Variants in PDE11A observed in about 807,000 individuals in gnomAD.
PDE11A encodes the protein dual 3',5'-cyclic-AMP and -GMP phosphodiesterase 11A.
Under a neutral mutation model 100.5 loss-of-function variants are expected in PDE11A, and 100 were observed. That is an observed-to-expected ratio of 1.00 (90% CI 0.85 to 1.18). The LOEUF (loss-of-function observed/expected upper bound fraction) is 1.18. PDE11A is among the 50% of genes most tolerant of loss of function. The pLI is 0.00. For synonymous variants in PDE11A, 381 were observed against 420.8 expected (o/e 0.91, Z 1.16); for missense variants, 1,141 against 1,152.6 (o/e 0.99, Z 0.15).
At chr2:178,089,891 C>A (rs1176931203) in intron 2 of PDE11A, among the ~76,000 whole-genome samples, 2 of 152,238 alleles carry the variant, frequency 1.3e-5, no homozygotes, top group South Asian at 4.1e-4. Flanking sequence ...AAACCTAGGC[C>A]CTTTCCCCTC....
At chr2:177,891,783 A>G (rs897838661) in intron 4 of PDE11A, among the ~76,000 whole-genome samples, 1 of 152,184 alleles carries the variant, frequency 6.6e-6, no homozygotes, top group Non-Finnish European at 1.5e-5. Context: ...TGTATTGTCT[A>G]TGACTGCTTT....
chr2:177,642,450 C>T (rs1389407581), intron 19 of PDE11A, among the ~76,000 whole-genome samples: 1 of 152,190 alleles, frequency 6.6e-6, no homozygotes, highest in East Asian at 1.9e-4. Flanking sequence ...TCTTCTCAGA[C>T]TAGAAAACAA....
At chr2:177,827,294 T>C (rs1204393211) in intron 6 of PDE11A, among the ~76,000 whole-genome samples, 1 of 152,228 alleles carries the variant, frequency 6.6e-6, no homozygotes, top group Non-Finnish European at 1.5e-5. Flanking sequence ...TAGTGTTAAT[T>C]GTGTAACTCT....
At chr2:178,106,853 A>C (rs2087623736) in intron 1 of PDE11A, among the ~76,000 whole-genome samples, 1 of 150,354 alleles carries the variant, frequency 6.7e-6, no homozygotes, top group Non-Finnish European at 1.5e-5. Flanking sequence ...CCACCTACTC[A>C]GGAGGCTGAG....
chr2:177,846,493 T>C (rs1415088541), intron 5 of PDE11A, among the ~76,000 whole-genome samples: 2 of 152,194 alleles, frequency 1.3e-5, no homozygotes, highest in Non-Finnish European at 2.9e-5. Flanking sequence ...ATCTAACTTT[T>C]AGGGTAAGCT....
At chr2:177,635,989 T>C (rs2080033093) in intron 19 of PDE11A, among the ~76,000 whole-genome samples, 1 of 152,042 alleles carries the variant, frequency 6.6e-6, no homozygotes, top group South Asian at 2.1e-4. Context: ...TCCCTGTACA[T>C]AGCCTCTCCA....
chr2:178,010,784 T>C (rs1439120512), intron 2 of PDE11A, among the ~76,000 whole-genome samples: 2 of 152,286 alleles, frequency 1.3e-5, no homozygotes, highest in East Asian at 3.9e-4. Flanking sequence ...ATGTAAGAAA[T>C]AACTGGGTTA....
At chr2:177,659,318 C>G (rs2080440892) in intron 19 of PDE11A, among the ~76,000 whole-genome samples, 1 of 149,072 alleles carries the variant, frequency 6.7e-6, no homozygotes, top group Non-Finnish European at 1.5e-5. Context: ...TCAAAGTTTA[C>G]TGTAAATCTT....
At chr2:177,749,099 G>T (rs1245932761) in intron 10 of PDE11A, among the ~76,000 whole-genome samples, 1 of 152,206 alleles carries the variant, frequency 6.6e-6, no homozygotes, top group African/African-American at 2.4e-5. Context: ...GTGTGCTATT[G>T]CAAGGATGGA....
chr2:177,948,124 C>A (rs569284436), intron 2 of PDE11A, among the ~76,000 whole-genome samples: 12 of 151,674 alleles, frequency 7.9e-5, no homozygotes, highest in Middle Eastern at 3.4e-3. Flanking sequence ...ACATGAAAAT[C>A]CTTTTGTGTT....
intron 13 of PDE11A, among the ~76,000 whole-genome samples, chr2:177,709,385 G>C (rs2081325469): frequency 6.6e-6 from 1 of 152,170 alleles, no homozygotes; most frequent in African/African-American, 2.4e-5. Flanking sequence ...GGAGGCACTG[G>C]CTTTGAGGGG....
intron 10 of PDE11A, among the ~76,000 whole-genome samples, chr2:177,730,657 CTTT>C (rs559943688): frequency 2.0e-5 from 3 of 151,786 alleles, no homozygotes; most frequent in Non-Finnish European, 4.4e-5. Flanking sequence ...CTGGATATTC[CTTT>C]TTATGTATTT....
intron 5 of PDE11A, among the ~76,000 whole-genome samples, chr2:177,853,680 A>ATATATGTGTG (rs2083766252): frequency 2.7e-5 from 1 of 36,532 alleles, no homozygotes; most frequent in Admixed American, 4.6e-4. Context: ...ATATATATAT[A>ATATATGTGTG]TGTGTGTGTG....
intron 1 of PDE11A, among the ~76,000 whole-genome samples, chr2:178,105,332 C>T (rs988623707): frequency 1.4e-4 from 21 of 151,980 alleles, no homozygotes; most frequent in Admixed American, 4.6e-4. Flanking sequence ...TGGTGGCGGA[C>T]GCCTGTAATC....
chr2:177,637,972 T>C (rs2080071191), intron 19 of PDE11A, among the ~76,000 whole-genome samples: 1 of 131,302 alleles, frequency 7.6e-6, no homozygotes, highest in Non-Finnish European at 1.6e-5. Flanking sequence ...CGTATATATA[T>C]ACACGTGTAT....
intron 5 of PDE11A, among the ~76,000 whole-genome samples, chr2:177,845,636 G>A (rs76857660): frequency 0.066 from 10,075 of 152,126 alleles, 339 homozygotes; most frequent in South Asian, 0.094. Flanking sequence ...GGTGGCGGCC[G>A]GGCAGAGGCT....
intron 19 of PDE11A, among the ~76,000 whole-genome samples, chr2:177,652,899 T>G (rs1263169216): frequency 6.6e-6 from 1 of 152,238 alleles, no homozygotes; most frequent in Non-Finnish European, 1.5e-5. Flanking sequence ...TTGCATCTAT[T>G]CTTTCATATT....
intron 9 of PDE11A, among the ~76,000 whole-genome samples, chr2:177,788,340 C>A (rs1369268520): frequency 4.8e-5 from 7 of 144,406 alleles, no homozygotes; most frequent in Admixed American, 2.0e-4. Context: ...TTGAAACCAA[C>A]GAGAACAAAG....
At chr2:178,033,152 T>C (rs1316436693) in intron 1 of PDE11A, among the ~76,000 whole-genome samples, 2 of 152,090 alleles carry the variant, frequency 1.3e-5, no homozygotes, top group Non-Finnish European at 2.9e-5. Flanking sequence ...AGAACCTTGA[T>C]AAAAGGTTAC....
Sources: allele counts gnomAD v4.1 joint callset (sites outside exome capture counted in the v4.1 genomes callset), GRCh38; gene constraint gnomAD v4.1.1; transcripts MANE v1.5; gene names NCBI Gene and HGNC (gene_info 2026-07-23, HGNC 2026-07-21).